The following MAP1LC3B2 variants were observed in gnomAD, a reference collection of about 807,000 sequenced individuals.
The protein encoded by MAP1LC3B2 is microtubule-associated protein 1 light chain 3 beta 2.
For missense variants in MAP1LC3B2, 155 were observed against 154.6 expected, an observed-to-expected ratio of 1.00 and a Z score of -0.01; for synonymous variants, 62 against 57.8, an observed-to-expected ratio of 1.07 and a Z score of -0.33.
intron 1 of MAP1LC3B2, among the ~76,000 whole-genome samples, chr12:116,560,964 A>G (rs1869257912): frequency 6.6e-6 from 1 of 152,154 alleles, no homozygotes; most frequent in Non-Finnish European, 1.5e-5. Context: ...TAAAACTACA[A>G]AAATTAGCTG....
intron 1 of MAP1LC3B2, among the ~76,000 whole-genome samples, chr12:116,571,198 T>C (rs1187392282): frequency 2.0e-5 from 3 of 152,214 alleles, no homozygotes; most frequent in Non-Finnish European, 4.4e-5. Context: ...GGAAAAGCTC[T>C]GCCCATAATG....
At chr12:116,570,242 G>A (rs1248705799) in intron 1 of MAP1LC3B2, among the ~76,000 whole-genome samples, 1 of 152,088 alleles carries the variant, frequency 6.6e-6, no homozygotes, top group Non-Finnish European at 1.5e-5. Flanking sequence ...CTTTATGATG[G>A]TGCAAAAGTA....
At chr12:116,567,767 T>A (rs4766792) in intron 1 of MAP1LC3B2, among the ~76,000 whole-genome samples, 57,322 of 150,258 alleles carry the variant, frequency 0.38, 11,383 homozygotes, top group Middle Eastern at 0.44. Context: ...AATAAAAAAA[T>A]ATATATATAT....
At chr12:116,575,797 T>G (rs1448596966) in intron 1 of MAP1LC3B2, 45 bp from the exon 2 acceptor site, 2 of 860,756 alleles carry the variant, frequency 2.3e-6, no homozygotes, top group African/African-American at 3.4e-5. Context: ...ACATATACAG[T>G]TTCTGCCACA....
Position 116,576,493 on chromosome 12 carries a change from C to A in MAP1LC3B2, c.*173C>A, listed in dbSNP as rs1406798624. 8.9e-6 allele frequency: 7 copies of A among 783,592 alleles called. No homozygotes were observed. Among genetic ancestry groups the A allele is most frequent in the Non-Finnish European group, 1.4e-5 (7 of 496,666 alleles). 48.5% of individuals were successfully genotyped at this position (783,592 alleles called of 1,614,324 possible). ...TTGTGTTTCAAGCAGAAAAACTGAG[C>A]TCCAAGTGAGCACATTCAGCTTTGG... On this transcript the variant is annotated 3_prime_UTR_variant, in exon 2 of 2. Coordinates refer to ENST00000556529, the MANE Select transcript of MAP1LC3B2 (RefSeq NM_001085481.3).
At chr12:116,563,788 T>G (rs913744200) in intron 1 of MAP1LC3B2, among the ~76,000 whole-genome samples, 1 of 152,202 alleles carries the variant, frequency 6.6e-6, no homozygotes, top group Non-Finnish European at 1.5e-5. Context: ...TGATTATTTA[T>G]TTTTTTGGCC....
intron 1 of MAP1LC3B2, among the ~76,000 whole-genome samples, chr12:116,575,095 A>G (rs12831610): frequency 0.25 from 37,564 of 149,212 alleles, 5,825 homozygotes; most frequent in African/African-American, 0.44. Context: ...CAGGAGAATC[A>G]CTCCAACCCA....
intron 1 of MAP1LC3B2, among the ~76,000 whole-genome samples, chr12:116,571,711 A>G (rs11068084): frequency 0.68 from 101,974 of 150,858 alleles, 35,436 homozygotes; most frequent in African/African-American, 0.75. Context: ...TCGATCTCCT[A>G]ACCTCGTGAT....
At chr12:116,573,777 A>T (rs191888386) in intron 1 of MAP1LC3B2, among the ~76,000 whole-genome samples, 3 of 152,198 alleles carry the variant, frequency 2.0e-5, no homozygotes, top group Non-Finnish European at 2.9e-5. Flanking sequence ...TTGGCTGCCC[A>T]AAGTTCTGGC....
At chr12:116,570,480 G>T (rs112231758) in intron 1 of MAP1LC3B2, among the ~76,000 whole-genome samples, 1,648 of 152,280 alleles carry the variant, frequency 0.011, 26 homozygotes, top group African/African-American at 0.038. Context: ...GTCTTGAATT[G>T]TAGCTCCCAT....
chr12:116,566,616 T>TAAAAAAAAAAAA, intron 1 of MAP1LC3B2, among the ~76,000 whole-genome samples: 1 of 91,624 alleles, frequency 1.1e-5, no homozygotes, highest in Non-Finnish European at 2.1e-5. Flanking sequence ...AGTCAGTGAT[T>TAAAAAAAAAAAA]AAAAAAAAAA....
intron 1 of MAP1LC3B2, among the ~76,000 whole-genome samples, chr12:116,574,931 A>G (rs1402921118): frequency 6.6e-6 from 1 of 151,708 alleles, no homozygotes; most frequent in African/African-American, 2.4e-5. Flanking sequence ...CAGCGGGTGC[A>G]GTGGCTCACG....
Position 116,576,060 on chromosome 12 carries a change from G to A in MAP1LC3B2, c.118G>A (p.Gly40Ser). Residue 40 changes from glycine to serine, a missense_variant, in exon 2 of 2, where the codon GGT becomes AGT. Coordinates refer to ENST00000556529, the MANE Select transcript of MAP1LC3B2 (RefSeq NM_001085481.3). ...KIPVIIERYK[G>S]EKQLPVLDKT... ...CCCGGTGATAATAGAACGATACAAG[G>A]GTGAGAAGCAGCTTCCTGTTCTGGA... The A allele has an allele frequency of 6.2e-7, 1 of 1,614,188 alleles. No homozygotes were observed. Among genetic ancestry groups the A allele is most frequent in the South Asian group, 1.1e-5 (1 of 91,088 alleles).
chr12:116,569,610 C>T (rs187471322), intron 1 of MAP1LC3B2, among the ~76,000 whole-genome samples: 10 of 152,192 alleles, frequency 6.6e-5, no homozygotes, highest in Middle Eastern at 3.4e-3. Context: ...GGAATATGCA[C>T]GTAGGTATGT....
chr12:116,567,762 A>T (rs1334930560), intron 1 of MAP1LC3B2, among the ~76,000 whole-genome samples: 2 of 151,618 alleles, frequency 1.3e-5, no homozygotes, highest in African/African-American at 4.8e-5. Context: ...ATAAAAATAA[A>T]AAAATATATA....
chr12:116,573,709 G>A (rs1869600067), intron 1 of MAP1LC3B2, among the ~76,000 whole-genome samples: 1 of 151,994 alleles, frequency 6.6e-6, no homozygotes, highest in African/African-American at 2.4e-5. Flanking sequence ...TAGAGATGGG[G>A]TTTCACCATG....
chr12:116,565,392 G>A (rs141505283), intron 1 of MAP1LC3B2, among the ~76,000 whole-genome samples: 82 of 152,294 alleles, frequency 5.4e-4, no homozygotes, highest in African/African-American at 1.9e-3. Context: ...GAAACGAAGC[G>A]AAACGGATTT....
chr12:116,572,088 T>G (rs1869552475), intron 1 of MAP1LC3B2, among the ~76,000 whole-genome samples: 1 of 151,972 alleles, frequency 6.6e-6, no homozygotes, highest in Non-Finnish European at 1.5e-5. Flanking sequence ...AAAAGAGTCC[T>G]CTCTATAGAC....
intron 1 of MAP1LC3B2, among the ~76,000 whole-genome samples, chr12:116,561,618 T>G (rs888444506): frequency 6.6e-6 from 1 of 151,962 alleles, no homozygotes; most frequent in Admixed American, 6.6e-5. Flanking sequence ...TGTAGATAAG[T>G]CTTGGCCACA....
Sources: gnomAD v4.1 joint callset for allele counts (sites outside exome capture counted in the v4.1 genomes callset) on GRCh38, gnomAD v4.1.1 for gene constraint, MANE v1.5 for transcripts, NCBI Gene and HGNC (gene_info 2026-07-23, HGNC 2026-07-21) for gene names.